Variants in RNGTT observed in about 807,000 individuals in gnomAD.
The protein encoded by RNGTT is RNA guanylyltransferase and 5'-phosphatase, also known as mRNA-capping enzyme.
RNGTT carries 33 observed loss-of-function variants against 79.3 expected under a neutral mutation model. The ratio of observed to expected loss-of-function variants is 0.42; its 90% confidence interval spans 0.32 to 0.56. The LOEUF (loss-of-function observed/expected upper bound fraction) is 0.56. RNGTT is among the 20% of genes least tolerant of loss of function. The pLI, the probability that RNGTT is intolerant of heterozygous loss-of-function variation, is 0.17. For synonymous variants in RNGTT, 222 were observed against 235.9 expected, an observed-to-expected ratio of 0.94 and a Z score of 0.54; for missense variants, 497 against 739.1, an observed-to-expected ratio of 0.67 and a Z score of 3.80.
At chr6:88,895,512 A>C (rs1245373764) in intron 6 of RNGTT, among the ~76,000 whole-genome samples, 2 of 152,154 alleles carry the variant, frequency 1.3e-5, no homozygotes, top group Admixed American at 1.3e-4. Flanking sequence ...TATAAACCCA[A>C]AGAGAACTAT....
intron 13 of RNGTT, among the ~76,000 whole-genome samples, chr6:88,766,280 T>G (rs79610555): frequency 0.021 from 3,136 of 152,176 alleles, 121 homozygotes; most frequent in African/African-American, 0.07. Context: ...TCTATACAAA[T>G]AATAAGTTTA....
chr6:88,697,318 G>A (rs937658780), intron 13 of RNGTT, among the ~76,000 whole-genome samples: 43 of 151,364 alleles, frequency 2.8e-4, no homozygotes, highest in African/African-American at 7.5e-4. Context: ...TTGGGAGGCC[G>A]CGGTGGGTGG....
At chr6:88,919,959 G>T (rs916506686) in intron 4 of RNGTT, among the ~76,000 whole-genome samples, 2 of 152,096 alleles carry the variant, frequency 1.3e-5, no homozygotes, top group African/African-American at 2.4e-5. Context: ...AAAGTGTTGG[G>T]ATTACAGGCG....
rs200719777 is a variant in RNGTT, at chr6:88,764,616, ATTC to A, written c.1439+5155_1439+5157del. On this transcript the variant is annotated intron_variant, in intron 13 of 15. Transcript: ENST00000369485. ...AATTATTATACACATACTTTTACAT[ATTC>A]TTATTTGTTTGTATATACATTCCAT... 5.0e-3 allele frequency among the ~76,000 whole-genome samples: 754 copies of A among 152,288 alleles called. 5 individuals carry two copies. Among genetic ancestry groups the A allele is most frequent in the African/African-American group, 0.017 (698 of 41,548 alleles).
chr6:88,844,232 T>C, intron 11 of RNGTT, 125 bp downstream of exon 11: 1 of 858,960 alleles, frequency 1.2e-6, no homozygotes, highest in South Asian at 1.8e-5. Context: ...AACAGCGCTA[T>C]ACCCAATTCG....
At chr6:88,661,471 T>C (rs189838865) in intron 14 of RNGTT, among the ~76,000 whole-genome samples, 625 of 151,716 alleles carry the variant, frequency 4.1e-3, no homozygotes, top group African/African-American at 0.014. Context: ...CAAGCTCAAG[T>C]AGAAATGAAA....
chr6:88,685,407 CTTTG>C (rs922913433), intron 13 of RNGTT, among the ~76,000 whole-genome samples: 25 of 152,058 alleles, frequency 1.6e-4, no homozygotes, highest in Admixed American at 5.9e-4. Flanking sequence ...AATCTCTGCA[CTTTG>C]TTTAATTTTC....
chr6:88,771,350 T>TATATACAC (rs376503141), intron 12 of RNGTT, among the ~76,000 whole-genome samples: 31 of 116,234 alleles, frequency 2.7e-4, no homozygotes, highest in African/African-American at 1.1e-3. Context: ...TATATATATA[T>TATATACAC]ACACACACAC....
chr6:88,722,924 C>T (rs6454717), intron 13 of RNGTT, among the ~76,000 whole-genome samples: 79,514 of 152,040 alleles, frequency 0.52, 22,319 homozygotes, highest in African/African-American at 0.74. Context: ...GGGCTGCCAG[C>T]TGTACAAAAG....
intron 14 of RNGTT, among the ~76,000 whole-genome samples, chr6:88,676,482 T>C (rs564244583): frequency 6.6e-5 from 10 of 152,304 alleles, no homozygotes; most frequent in Non-Finnish European, 8.8e-5. Flanking sequence ...ATAAAACTTC[T>C]AGCAGAATAC....
chr6:88,761,611 G>T (rs771950519), intron 13 of RNGTT, among the ~76,000 whole-genome samples: 11 of 152,090 alleles, frequency 7.2e-5, no homozygotes, highest in Non-Finnish European at 1.3e-4. Flanking sequence ...ATCCACAGTT[G>T]GCAAACTATA....
chr6:88,963,248 CT>C, intron 1 of RNGTT, 97 bp downstream of exon 1: 1 of 1,244,616 alleles, frequency 8.0e-7, no homozygotes, highest in Non-Finnish European at 1.2e-6. Flanking sequence ...TGAAATACCA[CT>C]AATGGGCACA....
intron 12 of RNGTT, among the ~76,000 whole-genome samples, chr6:88,786,828 C>A (rs769741416): frequency 1.3e-5 from 2 of 152,116 alleles, no homozygotes; most frequent in African/African-American, 4.8e-5. Context: ...AAATCCTAAG[C>A]CCCTAATGTG....
At chr6:88,876,377 G>A (rs984378214) in intron 8 of RNGTT, among the ~76,000 whole-genome samples, 2 of 151,992 alleles carry the variant, frequency 1.3e-5, no homozygotes, top group African/African-American at 2.4e-5. Context: ...ACAAAAAAAA[G>A]ACAAAAATTA....
At position 88,611,500 on chromosome 6, in the gene RNGTT, G is replaced by C. The variant is rs1772021926; in HGVS notation, c.*1219C>G. On this transcript the variant is annotated 3_prime_UTR_variant, in exon 16 of 16. Transcript: ENST00000369485. Reference sequence around the variant, plus strand: ...GTTCTTTCACAAACCAATTAGAACAGTTTATCAACAATGGCAGACAATCAA... The same window carrying C: ...GTTCTTTCACAAACCAATTAGAACACTTTATCAACAATGGCAGACAATCAA... The C allele has an allele frequency of 6.6e-6, 1 of 152,504 alleles. No homozygotes were observed. Among genetic ancestry groups the C allele is most frequent in the African/African-American group, 2.4e-5 (1 of 41,434 alleles). 9.4% of individuals were successfully genotyped at this position (152,504 alleles called of 1,614,324 possible). A position where few individuals can be genotyped will look rare whatever the true frequency, so the allele number is the denominator to read the frequency against.
chr6:88,928,728 A>C (rs1283815938), intron 4 of RNGTT, among the ~76,000 whole-genome samples: 1 of 152,192 alleles, frequency 6.6e-6, no homozygotes, highest in Non-Finnish European at 1.5e-5. Context: ...ATAAAAAATA[A>C]ATATGTAGTG....
intron 6 of RNGTT, among the ~76,000 whole-genome samples, chr6:88,900,465 G>C (rs1021533673): frequency 2.6e-5 from 4 of 152,132 alleles, no homozygotes; most frequent in Non-Finnish European, 5.9e-5. Flanking sequence ...ATCCAAAGTA[G>C]GCTGATGCCT....
At chr6:88,932,004 T>C (rs1299870332) in intron 2 of RNGTT, among the ~76,000 whole-genome samples, 2 of 152,034 alleles carry the variant, frequency 1.3e-5, no homozygotes, top group Admixed American at 6.5e-5. Context: ...GAGATGACCA[T>C]TGGGTCTAAC....
chr6:88,765,640 G>C (rs1399881785), intron 13 of RNGTT, among the ~76,000 whole-genome samples: 1 of 152,140 alleles, frequency 6.6e-6, no homozygotes, highest in African/African-American at 2.4e-5. Flanking sequence ...TTACAGATGA[G>C]GAAGGTTAGG....
Sources: gnomAD v4.1 joint callset for allele counts (sites outside exome capture counted in the v4.1 genomes callset) on GRCh38, gnomAD v4.1.1 for gene constraint, MANE v1.5 for transcripts, NCBI Gene and HGNC (gene_info 2026-07-23, HGNC 2026-07-21) for gene names.